The following TMEM209 variants were observed in gnomAD, a reference collection of about 807,000 sequenced individuals.
The protein encoded by TMEM209 is testicular tissue protein Li 202.
Under a neutral mutation model 76.2 loss-of-function variants are expected in TMEM209, and 65 were observed. The ratio of observed to expected loss-of-function variants is 0.85; its 90% CI spans 0.70 to 1.05. The LOEUF is 1.05. TMEM209 is among the 50% of genes least tolerant of loss of function. The pLI is 0.00. For missense variants in TMEM209, 623 were observed against 685.5 expected (o/e 0.91, Z 1.02); for synonymous variants, 239 against 237.6 (o/e 1.01, Z -0.06).
chr7:130,195,209 C>T (rs1797929790), intron 5 of TMEM209, among the ~76,000 whole-genome samples: 1 of 152,058 alleles, frequency 6.6e-6, no homozygotes, highest in Non-Finnish European at 1.5e-5. Context: ...TTGCATACAC[C>T]TTATACATTA....
At chr7:130,204,859 G>A (rs1038233283) in intron 1 of TMEM209, 1 of 835,090 alleles carries the variant, frequency 1.2e-6, no homozygotes, top group Non-Finnish European at 1.5e-6. Flanking sequence ...TCCTCATGCA[G>A]ACGCCATTAC....
chr7:130,183,998 G>GA (rs1038397001), intron 8 of TMEM209, among the ~76,000 whole-genome samples, 186 bp downstream of exon 8: 7 of 152,060 alleles, frequency 4.6e-5, no homozygotes, highest in African/African-American at 9.6e-5. Flanking sequence ...TATGGAGGAA[G>GA]AAAAAAATCT....
Position 130,185,347 on chromosome 7 carries a change from G to C in TMEM209, c.796C>G (p.Pro266Ala). The change falls in exon 7 of 15, where the codon CCT becomes GCT. Residue 266 changes from proline (P) to alanine (A), a missense_variant. Coordinates refer to ENST00000397622, the MANE Select transcript of TMEM209 (RefSeq NM_032842.4). ...TTCCAGAAAGTAGGACTGCTGGAAG[G>C]AGAGGTAGAATCTGGGCTCCCTACA... ...VKLGSPDSTSPSSSPTFWNYS... is the reference protein window; with the variant it reads ...VKLGSPDSTSASSSPTFWNYS... The C allele has an allele frequency of 6.2e-7, 1 of 1,613,764 alleles. No homozygotes were observed. Among genetic ancestry groups the C allele is most frequent in the Non-Finnish European group, 8.5e-7 (1 of 1,179,750 alleles).
chr7:130,189,622 G>C (rs1374643769), intron 6 of TMEM209, among the ~76,000 whole-genome samples: 10 of 152,216 alleles, frequency 6.6e-5, no homozygotes, highest in African/African-American at 2.4e-4. Flanking sequence ...GCATGAGAGA[G>C]AGAATATGAG....
At chr7:130,189,881 T>G (rs1797734035) in intron 6 of TMEM209, among the ~76,000 whole-genome samples, 1 of 152,186 alleles carries the variant, frequency 6.6e-6, no homozygotes, top group African/African-American at 2.4e-5. Flanking sequence ...TAATAATTTC[T>G]AAGTATCATT....
intron 14 of TMEM209, 62 bp from the exon 15 acceptor site, chr7:130,166,567 A>G (rs1000886411): frequency 1.0e-4 from 111 of 1,086,534 alleles, no homozygotes; most frequent in Non-Finnish European, 1.4e-4. Context: ...TCTTTTTCTA[A>G]TAACAAAAAA....
In TMEM209 at chr7:130,185,243, T is replaced by A; in HGVS notation, c.900A>T (p.Pro300=). ...QYQLACRSQA[P]CANKDEADLS... ...GATCGGCTTCATCTTTGTTAGCACA[T>A]GGGGCCTGAGACCTACAGGCAAGCT... The change falls in exon 7 of 15, where the codon CCA becomes CCT. Residue 300 remains proline, a synonymous_variant. Transcript: ENST00000397622. 3 of 1,613,990 alleles carry A rather than the reference T, an allele frequency of 1.9e-6. No individual in the cohort carries two copies. Among genetic ancestry groups the A allele is most frequent in the Non-Finnish European group, 2.5e-6 (3 of 1,179,878 alleles).
At chr7:130,196,935 C>G in intron 5 of TMEM209, among the ~76,000 whole-genome samples, 1 of 152,072 alleles carries the variant, frequency 6.6e-6, no homozygotes, top group Non-Finnish European at 1.5e-5. Context: ...GGCTACAAAC[C>G]ATGGTATGGG....
At chr7:130,205,288 C>A (rs1290866499) in intron 1 of TMEM209, 85 bp downstream of exon 1, 29 of 1,612,962 alleles carry the variant, frequency 1.8e-5, no homozygotes, top group Middle Eastern at 1.6e-4. Context: ...CTTGGCTGAA[C>A]CCAGGACAGA....
intron 7 of TMEM209, 140 bp downstream of exon 7, chr7:130,185,052 C>T: frequency 1.0e-6 from 1 of 985,178 alleles, no homozygotes; most frequent in South Asian, 2.0e-5. Flanking sequence ...AAGACAGGAG[C>T]TTTCCCACTG....
At position 130,184,215 on chromosome 7, in the gene TMEM209, T is replaced by C. The variant is rs1797517452; in HGVS notation, c.992A>G (p.His331Arg). The C allele has an allele frequency of 2.5e-6, 4 of 1,608,160 alleles. No individual in the cohort carries two copies. The highest frequency in any genetic ancestry group is 1.7e-5 in the Admixed American group (1 of 59,540). The change falls in exon 8 of 15, where the codon CAT becomes CGT. Residue 331 changes from histidine (H) to arginine (R), a missense_variant. Coordinates refer to ENST00000397622, the MANE Select transcript of TMEM209 (RefSeq NM_032842.4). ...AAATTTAGCTGTCCATGAATCCATA[T>C]GATCAAGAAGTTGTCTATTCATAGC... ...RVAMNRQLLD[H>R]MDSWTAKFRN...
Position 130,166,164 on chromosome 7 carries a change from A to T in TMEM209, c.*287T>A. 4.0e-6 allele frequency: 1 copy of T among 252,020 alleles called. No homozygotes were observed. The highest frequency in any genetic ancestry group is 7.5e-6 in the Non-Finnish European group (1 of 134,110). The allele number at this position is 252,020 out of a possible 1,614,324, so 15.6% of individuals were successfully genotyped here. The stretch of plus-strand genomic sequence containing the variant: ...ACTCAAAATCTATTTCATTAAGGGG[A>T]ATGGCACTATTTTGAGTCAATAAAA... On this transcript the variant is annotated 3_prime_UTR_variant, in exon 15 of 15. Coordinates refer to ENST00000397622, the MANE Select transcript of TMEM209 (RefSeq NM_032842.4).
intron 8 of TMEM209, among the ~76,000 whole-genome samples, chr7:130,182,225 A>G (rs1428402132): frequency 6.6e-6 from 1 of 152,150 alleles, no homozygotes; most frequent in East Asian, 1.9e-4. Context: ...TACAGGCGTG[A>G]GCCACTGCGC....
Position 130,178,437 on chromosome 7 carries a change from G to A in TMEM209, c.1211C>T (p.Thr404Ile), listed in dbSNP as rs1480650146. ...LNTIVQYLDL[T>I]PNQEYLFERI... ...TTCAAACAAGTATTCCTGATTTGGA[G>A]TAAGGTCTAGATACTGAACGATTGT... The change falls in exon 10 of 15, where the codon ACT becomes ATT. Residue 404 changes from threonine (T) to isoleucine (I), a missense_variant. Thr to Ile is a moderately conservative substitution (Grantham distance 89). Coordinates refer to ENST00000397622, the MANE Select transcript of TMEM209 (RefSeq NM_032842.4). 1.2e-6 allele frequency: 2 copies of A among 1,613,090 alleles called. No individual in the cohort carries two copies. The highest frequency in any genetic ancestry group is 3.3e-5 in the Admixed American group (2 of 59,964).
chr7:130,176,145 C>T (rs1263086790), intron 10 of TMEM209, among the ~76,000 whole-genome samples: 1 of 149,742 alleles, frequency 6.7e-6, no homozygotes, highest in Non-Finnish European at 1.5e-5. Context: ...CAGAGTCTCG[C>T]TCTGTCACCC....
intron 6 of TMEM209, among the ~76,000 whole-genome samples, chr7:130,188,545 G>T: frequency 7.3e-6 from 1 of 137,442 alleles, no homozygotes; most frequent in Non-Finnish European, 1.5e-5. Flanking sequence ...GCAGCGAGCC[G>T]AGATCACACC....
intron 14 of TMEM209, among the ~76,000 whole-genome samples, chr7:130,167,902 C>T (rs55822607): frequency 1.3e-5 from 2 of 152,002 alleles, no homozygotes; most frequent in Admixed American, 1.3e-4. Context: ...TATTCATGTT[C>T]GAAAGGTTAA....
At chr7:130,193,635 T>C (rs1253880399) in intron 5 of TMEM209, among the ~76,000 whole-genome samples, 1 of 151,714 alleles carries the variant, frequency 6.6e-6, no homozygotes, top group African/African-American at 2.4e-5. Flanking sequence ...TCCGAAAAGC[T>C]ACACGGGTAT....
intron 9 of TMEM209, among the ~76,000 whole-genome samples, chr7:130,180,781 G>A (rs898161644): frequency 2.6e-5 from 4 of 152,168 alleles, no homozygotes; most frequent in Non-Finnish European, 4.4e-5. Flanking sequence ...ATCATTTCAC[G>A]CCTACTGCAG....
Sources: allele counts gnomAD v4.1 joint callset (sites outside exome capture counted in the v4.1 genomes callset), GRCh38; gene constraint gnomAD v4.1.1; transcripts MANE v1.5; gene names NCBI Gene and HGNC (gene_info 2026-07-23, HGNC 2026-07-21).